SFSWAP: variants seen among roughly 807,000 people sequenced by gnomAD.
The protein encoded by SFSWAP is splicing factor SWAP, also known as splicing factor, suppressor of white-apricot homolog.
A neutral mutation model predicts 100.7 loss-of-function variants in SFSWAP; 17 were observed. The observed-to-expected ratio is 0.17, with a 90% CI of 0.12 to 0.25. The LOEUF is 0.25. Among genes scored for constraint, SFSWAP ranks in the 10% least tolerant of loss-of-function variants. The pLI is 1.00. For synonymous variants in SFSWAP, 504 were observed against 510.1 expected, an observed-to-expected ratio of 0.99 and a Z score of 0.16; for missense variants, 1,005 against 1,262.6, an observed-to-expected ratio of 0.80 and a Z score of 3.09.
intron 13 of SFSWAP, among the ~76,000 whole-genome samples, chr12:131,777,099 C>G (rs2136253942): frequency 6.6e-6 from 1 of 152,312 alleles, no homozygotes; most frequent in Non-Finnish European, 1.5e-5. Flanking sequence ...TGAGGAATCT[C>G]TCCTCTGGTA....
Position 131,760,473 on chromosome 12 carries a change from T to TA in SFSWAP, c.1720+3832dup, listed in dbSNP as rs147669123. ...TTTTATTTTTTGCCTCTCAAATTGA[T>TA]AAAGTTTAAAAAAAGTAACAATGAG... On this transcript the variant is annotated intron_variant, in intron 11 of 17. Transcript: ENST00000261674. Among the ~76,000 whole-genome samples the TA allele has an allele frequency of 2.0e-3, 307 of 152,266 alleles. 3 individuals are homozygous for TA. The highest frequency in any genetic ancestry group is 6.9e-3 in the African/African-American group (285 of 41,564).
At chr12:131,790,145 G>A (rs183150372) in intron 15 of SFSWAP, among the ~76,000 whole-genome samples, 39 of 152,296 alleles carry the variant, frequency 2.6e-4, no homozygotes, top group Non-Finnish European at 4.0e-4. Flanking sequence ...CGTGGACTCA[G>A]GAGCATTTTT....
chr12:131,761,091 A>G lies in SFSWAP; in HGVS notation c.1721-3365A>G, dbSNP rs914816916. Among the ~76,000 whole-genome samples the G allele has an allele frequency of 2.6e-5, 4 of 152,312 alleles. 1 individual carries two copies. In the South Asian group the frequency reaches 8.3e-4, roughly 32 times the overall value. ...CGTCTCAAAGTGAAAATAGCAGGTT[A>G]TGAAACGAGCTGTGCCCCCATTTTA... On this transcript the variant is annotated intron_variant, in intron 11 of 17. Transcript: ENST00000261674.
At chr12:131,790,602 G>A (rs1885172684) in intron 15 of SFSWAP, among the ~76,000 whole-genome samples, 1 of 152,126 alleles carries the variant, frequency 6.6e-6, no homozygotes. Flanking sequence ...CACATCCAGG[G>A]CTTTTCACAA....
At chr12:131,741,237 A>T (rs571271068) in intron 7 of SFSWAP, among the ~76,000 whole-genome samples, 75 of 152,098 alleles carry the variant, frequency 4.9e-4, no homozygotes, top group African/African-American at 1.8e-3. Flanking sequence ...AAGTGCTGGG[A>T]TTACAGGCGC....
intron 7 of SFSWAP, among the ~76,000 whole-genome samples, chr12:131,747,664 A>T (rs987099681): frequency 1.1e-4 from 16 of 152,238 alleles, no homozygotes; most frequent in African/African-American, 3.6e-4. Flanking sequence ...GAGCTGAATC[A>T]TCGGGCGTCA....
At chr12:131,722,813 G>A (rs895704413) in intron 4 of SFSWAP, among the ~76,000 whole-genome samples, 2 of 152,112 alleles carry the variant, frequency 1.3e-5, no homozygotes, top group Admixed American at 1.3e-4. Context: ...GCCAGGCGTG[G>A]TGGTACATGC....
At chr12:131,737,198 G>A (rs1880116719) in intron 7 of SFSWAP, among the ~76,000 whole-genome samples, 1 of 152,212 alleles carries the variant, frequency 6.6e-6, no homozygotes, top group Admixed American at 6.5e-5. Context: ...GGCTCTTCCT[G>A]AGGGTGGAGG....
At chr12:131,716,461 G>T (rs1877925070) in intron 3 of SFSWAP, among the ~76,000 whole-genome samples, 1 of 152,106 alleles carries the variant, frequency 6.6e-6, no homozygotes, top group African/African-American at 2.4e-5. Flanking sequence ...TGATTTTGTT[G>T]TCTTATCTCT....
chr12:131,727,779 C>T (rs1241443293), intron 6 of SFSWAP, among the ~76,000 whole-genome samples: 1 of 152,216 alleles, frequency 6.6e-6, no homozygotes, highest in Non-Finnish European at 1.5e-5. Flanking sequence ...ATTCTCCCCT[C>T]ATCTGTGTGA....
chr12:131,754,050 A>G (rs1032784974), intron 8 of SFSWAP, among the ~76,000 whole-genome samples: 1 of 152,220 alleles, frequency 6.6e-6, no homozygotes, highest in Non-Finnish European at 1.5e-5. Flanking sequence ...CTTGTTTTCA[A>G]TATAACAACA....
At chr12:131,758,277 C>A (rs959740643) in intron 11 of SFSWAP, among the ~76,000 whole-genome samples, 1 of 152,274 alleles carries the variant, frequency 6.6e-6, no homozygotes, top group South Asian at 2.1e-4. Context: ...ACCAGCGTGA[C>A]CTTCTCCACA....
rs1878928629 is a variant in SFSWAP, at chr12:131,725,985, A to G, written c.832+355A>G. 1.3e-5 allele frequency among the ~76,000 whole-genome samples: 2 copies of G among 152,168 alleles called. No homozygotes were observed. The highest frequency in any genetic ancestry group is 2.1e-4 in the South Asian group (1 of 4,832). ...TCCTCTCTTGGATTATTCAAGTACC[A>G]CAGTGTTCAGGGCTGTATAGCTCAA... On this transcript the variant is annotated intron_variant, in intron 5 of 17. Transcript: ENST00000261674. The surrounding 1 kb of genome is among the most constrained non-coding windows in gnomAD (Gnocchi z 4.3).
chr12:131,791,706 T>G (rs1354366934), intron 15 of SFSWAP, among the ~76,000 whole-genome samples: 1 of 152,194 alleles, frequency 6.6e-6, no homozygotes, highest in East Asian at 1.9e-4. Context: ...GAGCCAAGAT[T>G]GCGTTCCAGC....
chr12:131,738,311 G>T (rs896365312), intron 7 of SFSWAP, among the ~76,000 whole-genome samples: 2 of 152,120 alleles, frequency 1.3e-5, no homozygotes, highest in African/African-American at 2.4e-5. Context: ...ATGTTACCCA[G>T]GATTCCACCA....
chr12:131,772,498 G>T (rs1883694315), intron 13 of SFSWAP, among the ~76,000 whole-genome samples: 1 of 152,196 alleles, frequency 6.6e-6, no homozygotes, highest in African/African-American at 2.4e-5. Context: ...CTCAGGACTG[G>T]CACAGGGGGT....
Position 131,797,159 on chromosome 12 carries a change from A to AGAAACTC in SFSWAP, c.2535-18_2535-12dup, listed in dbSNP as rs1440155899. ...TTTAAACCAAAGCTGCATCTCTCACAGAAACTCTTGCCTTTCAGAAGTCCC... is the reference window on the plus strand; with the variant it reads ...TTTAAACCAAAGCTGCATCTCTCACAGAAACTCGAAACTCTTGCCTTTCAGAAGTCCC... On this transcript the variant is annotated intron_variant, in intron 15 of 17. Transcript: ENST00000261674. 11 of 1,599,854 alleles carry AGAAACTC rather than the reference A, an allele frequency of 6.9e-6. No individual in the cohort carries two copies. The highest frequency in any genetic ancestry group is 1.3e-5 in the African/African-American group (1 of 74,594).
At chr12:131,729,575 C>T (rs557946188) in intron 7 of SFSWAP, among the ~76,000 whole-genome samples, 3 of 152,290 alleles carry the variant, frequency 2.0e-5, no homozygotes, top group African/African-American at 7.2e-5. Flanking sequence ...TTCTTTTTCT[C>T]GCTGATTGCA....
chr12:131,780,718 C>T (rs1310736344), intron 14 of SFSWAP, among the ~76,000 whole-genome samples: 2 of 152,140 alleles, frequency 1.3e-5, no homozygotes, highest in Non-Finnish European at 2.9e-5. Context: ...ATGTTTCTTA[C>T]GACATTACAT....
Sources: gnomAD v4.1 joint callset for allele counts (sites outside exome capture counted in the v4.1 genomes callset) on GRCh38, gnomAD v4.1.1 for gene constraint, Gnocchi (gnomAD v3.1) non-coding constraint, MANE v1.5 for transcripts, NCBI Gene and HGNC (gene_info 2026-07-23, HGNC 2026-07-21) for gene names.